SLC14A2: variants seen among roughly 807,000 people sequenced by gnomAD.
The protein encoded by SLC14A2 is solute carrier family 14 member 2.
A neutral mutation model predicts 104.6 loss-of-function variants in SLC14A2; 91 were observed. The ratio of observed to expected loss-of-function variants is 0.87; its 90% CI spans 0.73 to 1.04. SLC14A2 has a LOEUF of 1.04. SLC14A2 is among the 50% of genes least tolerant of loss of function. The pLI is 0.00. For missense variants in SLC14A2, 1,189 were observed against 1,156.0 expected (o/e 1.03, Z -0.41); for synonymous variants, 476 against 466.4 (o/e 1.02, Z -0.27).
chr18:45,365,066 G>T (rs1568168657), intron 1 of SLC14A2, among the ~76,000 whole-genome samples: 1 of 152,150 alleles, frequency 6.6e-6, no homozygotes, highest in Non-Finnish European at 1.5e-5. Context: ...GAGAATAGGG[G>T]AATAGGGGTC....
At chr18:45,527,756 A>G (rs2043616029) in intron 2 of SLC14A2, 1 of 152,226 alleles carries the variant, frequency 6.6e-6, no homozygotes, top group African/African-American at 2.4e-5. Context: ...ATTAAATGCA[A>G]TGATATATTT....
intron 2 of SLC14A2, among the ~76,000 whole-genome samples, chr18:45,484,764 G>C (rs1357327946): frequency 6.6e-6 from 1 of 150,802 alleles, no homozygotes; most frequent in Non-Finnish European, 1.5e-5. Context: ...CTTTTTGTTT[G>C]TTGACTGGTT....
intron 1 of SLC14A2, among the ~76,000 whole-genome samples, chr18:45,297,222 G>A (rs2084925686): frequency 6.6e-6 from 1 of 152,204 alleles, no homozygotes; most frequent in South Asian, 2.1e-4. Flanking sequence ...GATATTTCTT[G>A]AGGGTACAGC....
chr18:45,356,818 G>A (rs1293543401), intron 1 of SLC14A2, among the ~76,000 whole-genome samples: 2 of 152,172 alleles, frequency 1.3e-5, no homozygotes, highest in Non-Finnish European at 2.9e-5. Flanking sequence ...CTAAATGATT[G>A]GCATGATCAA....
At chr18:45,628,408 C>T (rs1200161635) in intron 4 of SLC14A2, among the ~76,000 whole-genome samples, 5 of 148,992 alleles carry the variant, frequency 3.4e-5, no homozygotes, top group African/African-American at 9.9e-5. Context: ...CGCACCACTA[C>T]ACTCCAGCCT....
At chr18:45,580,280 T>TAA (rs1377715207) in intron 2 of SLC14A2, among the ~76,000 whole-genome samples, 1 of 152,148 alleles carries the variant, frequency 6.6e-6, no homozygotes, top group Non-Finnish European at 1.5e-5. Context: ...GCATGTACAA[T>TAA]AAAAGTGTCA....
chr18:45,221,711 G>C (rs2084063928), intron 1 of SLC14A2, among the ~76,000 whole-genome samples: 2 of 152,002 alleles, frequency 1.3e-5, no homozygotes, highest in Non-Finnish European at 2.9e-5. Context: ...CCCTGAATAG[G>C]GATCTCATGT....
the SLC14A2 span, among the ~76,000 whole-genome samples, chr18:45,182,106 A>C: frequency 6.6e-6 from 1 of 152,098 alleles, no homozygotes; most frequent in Non-Finnish European, 1.5e-5. Context: ...CAGCCAAGTA[A>C]GTTTCAGAGG....
intron 10 of SLC14A2, among the ~76,000 whole-genome samples, chr18:45,658,923 C>G (rs576074341): frequency 6.6e-6 from 1 of 152,202 alleles, no homozygotes; most frequent in Admixed American, 6.5e-5. Flanking sequence ...CTGAGTCAAT[C>G]AAAAGAAAGC....
At chr18:45,514,945 A>G (rs1315111528) in intron 2 of SLC14A2, among the ~76,000 whole-genome samples, 1 of 152,218 alleles carries the variant, frequency 6.6e-6, no homozygotes, top group Non-Finnish European at 1.5e-5. Flanking sequence ...ACATTTTGTC[A>G]AATAGAAATG....
chr18:45,681,836 C>T (rs778759576), intron 19 of SLC14A2, among the ~76,000 whole-genome samples: 1 of 152,206 alleles, frequency 6.6e-6, no homozygotes, highest in Non-Finnish European at 1.5e-5. Flanking sequence ...GCACTTTCAC[C>T]TGCCTATAGG....
chr18:45,236,294 C>T (rs1363837764), intron 1 of SLC14A2, among the ~76,000 whole-genome samples: 183 of 25,708 alleles, frequency 7.1e-3, no homozygotes, highest in African/African-American at 9.9e-3. Context: ...TGTATATATA[C>T]ATGTATGTGT....
intron 2 of SLC14A2, among the ~76,000 whole-genome samples, chr18:45,488,259 C>T (rs1043521215): frequency 6.6e-6 from 1 of 151,944 alleles, no homozygotes; most frequent in African/African-American, 2.4e-5. Context: ...ATGGTGTGGA[C>T]CCCAGAGGAA....
At chr18:45,641,652 C>T (rs952337952) in intron 8 of SLC14A2, among the ~76,000 whole-genome samples, 1 of 152,220 alleles carries the variant, frequency 6.6e-6, no homozygotes, top group African/African-American at 2.4e-5. Flanking sequence ...CATTCAACAA[C>T]TGTTTATACA....
At chr18:45,235,929 A>ATATACATATATGTG (rs2084228246) in intron 1 of SLC14A2, among the ~76,000 whole-genome samples, 1 of 110,230 alleles carries the variant, frequency 9.1e-6, no homozygotes, top group African/African-American at 4.1e-5. Flanking sequence ...GTGTGTATAT[A>ATATACATATATGTG]TGTATATATA....
intron 1 of SLC14A2, among the ~76,000 whole-genome samples, chr18:45,388,185 C>T (rs1021799924): frequency 8.7e-5 from 13 of 150,000 alleles, no homozygotes; most frequent in Non-Finnish European, 1.5e-4. Context: ...ACGCCATTCT[C>T]CTGCCTCAGC....
chr18:45,303,577 G>C (rs1417011584), intron 1 of SLC14A2, among the ~76,000 whole-genome samples: 1 of 152,200 alleles, frequency 6.6e-6, no homozygotes, highest in Non-Finnish European at 1.5e-5. Flanking sequence ...ACATACACAG[G>C]CTTGACATGT....
intron 1 of SLC14A2, among the ~76,000 whole-genome samples, chr18:45,368,151 A>G (rs2085685343): frequency 6.6e-6 from 1 of 152,040 alleles, no homozygotes; most frequent in African/African-American, 2.4e-5. Flanking sequence ...CCCTTTACCT[A>G]AGTAAAGGGC....
Position 45,250,414 on chromosome 18 carries a change from T to TC in SLC14A2, c.-125+37230dup, listed in dbSNP as rs200660188. On this transcript the variant is annotated intron_variant, in intron 1 of 20. Coordinates refer to the SLC14A2 transcript ENST00000586448. ...TGATTGTCATACATAGCCTAATTCT[T>TC]CCCCCCCTTATTAATTTTATTCTTA... Among the ~76,000 whole-genome samples, 437 of 152,162 alleles carry TC rather than the reference T, an allele frequency of 2.9e-3. 7 individuals carry two copies. In the East Asian group the frequency reaches 0.034, roughly 12 times the overall value.
Sources: allele counts gnomAD v4.1 joint callset (sites outside exome capture counted in the v4.1 genomes callset), GRCh38; gene constraint gnomAD v4.1.1; transcripts MANE v1.5; gene names NCBI Gene and HGNC (gene_info 2026-07-23, HGNC 2026-07-21).